The following RASA2 variants were observed in gnomAD, a reference collection of about 807,000 sequenced individuals.
RASA2 encodes RAS p21 protein activator 2.
In RASA2, 155 loss-of-function variants were observed where a neutral mutation model predicts 118.2. The observed-to-expected ratio is 1.31, with a 90% CI of 1.15 to 1.50. The LOEUF (loss-of-function observed/expected upper bound fraction) is 1.50, where lower values mean the gene tolerates loss of function less well. Among genes scored for constraint, RASA2 ranks in the 40% most tolerant of loss-of-function variants. RASA2 has a pLI of 0.00. For synonymous variants in RASA2, 353 were observed against 349.1 expected (o/e 1.01, Z -0.12); for missense variants, 1,016 against 1,009.6 (o/e 1.01, Z -0.09).
chr3:141,494,374 T>G (rs563139459), intron 1 of RASA2, among the ~76,000 whole-genome samples: 2 of 152,336 alleles, frequency 1.3e-5, no homozygotes, highest in East Asian at 1.9e-4. Flanking sequence ...AACATTTAAT[T>G]TGTAGTTTTA....
chr3:141,519,181 C>G (rs1434962055), intron 3 of RASA2, among the ~76,000 whole-genome samples: 2 of 152,072 alleles, frequency 1.3e-5, no homozygotes, highest in African/African-American at 4.8e-5. Context: ...GAGTATCATA[C>G]TAATATGGAC....
At chr3:141,518,481 TC>T (rs2082063599) in intron 3 of RASA2, among the ~76,000 whole-genome samples, 1 of 15,804 alleles carries the variant, frequency 6.3e-5, no homozygotes, top group African/African-American at 2.6e-4. Context: ...AGACACCATC[TC>T]AAAAAAAAAA....
chr3:141,544,886 CAG>C (rs1374781643), intron 5 of RASA2, among the ~76,000 whole-genome samples: 1 of 152,148 alleles, frequency 6.6e-6, no homozygotes, highest in African/African-American at 2.4e-5. Flanking sequence ...AACGCAGAAA[CAG>C]AAAATGAAAC....
At chr3:141,504,038 G>A (rs1414091890) in intron 1 of RASA2, among the ~76,000 whole-genome samples, 3 of 152,136 alleles carry the variant, frequency 2.0e-5, no homozygotes, top group East Asian at 1.9e-4. Context: ...ATATACACAC[G>A]CATTGATACT....
At chr3:141,502,365 T>C (rs1354505757) in intron 1 of RASA2, among the ~76,000 whole-genome samples, 6 of 152,178 alleles carry the variant, frequency 3.9e-5, no homozygotes, top group Non-Finnish European at 8.8e-5. Context: ...ACACAGAAAC[T>C]TTTAGCGACC....
At chr3:141,570,652 G>A (rs2082903478) in intron 9 of RASA2, among the ~76,000 whole-genome samples, 1 of 152,074 alleles carries the variant, frequency 6.6e-6, no homozygotes, top group Non-Finnish European at 1.5e-5. Flanking sequence ...TCAAACTCTT[G>A]TTCAACTCCT....
At chr3:141,584,710 A>G (rs1159274878) in intron 17 of RASA2, among the ~76,000 whole-genome samples, 1 of 152,152 alleles carries the variant, frequency 6.6e-6, no homozygotes, top group African/African-American at 2.4e-5. Context: ...TCTGCCACTT[A>G]GTCTTTGTTT....
chr3:141,586,922 GTATAT>G (rs1560052920), intron 19 of RASA2, 170 bp downstream of exon 19: 1 of 665,602 alleles, frequency 1.5e-6, no homozygotes, highest in Non-Finnish European at 2.7e-6. Context: ...GTAACCCCAT[GTATAT>G]TATGTTTTTC....
At chr3:141,606,275 TA>T (rs2083547697) in intron 19 of RASA2, among the ~76,000 whole-genome samples, 1 of 152,178 alleles carries the variant, frequency 6.6e-6, no homozygotes, top group South Asian at 2.1e-4. Context: ...CCCATAAATA[TA>T]ATCTCGTCTG....
At chr3:141,593,121 C>T (rs973829652) in intron 19 of RASA2, among the ~76,000 whole-genome samples, 2 of 152,150 alleles carry the variant, frequency 1.3e-5, no homozygotes, top group Non-Finnish European at 2.9e-5. Context: ...AATCTCAGCT[C>T]ACTGCAACCT....
chr3:141,555,765 C>T, intron 6 of RASA2, 75 bp from the exon 7 acceptor site: 1 of 1,279,056 alleles, frequency 7.8e-7, no homozygotes, highest in South Asian at 1.4e-5. Context: ...GTCAGGCTCC[C>T]TGGTTGGAAA....
chr3:141,522,116 A>G (rs141423960), intron 3 of RASA2, among the ~76,000 whole-genome samples: 2 of 152,166 alleles, frequency 1.3e-5, no homozygotes, highest in Admixed American at 1.3e-4. Flanking sequence ...TGAGTAATGT[A>G]TGGATTTTTT....
chr3:141,500,499 A>G (rs1022285784), intron 1 of RASA2, among the ~76,000 whole-genome samples: 1 of 152,242 alleles, frequency 6.6e-6, no homozygotes, highest in Non-Finnish European at 1.5e-5. Flanking sequence ...TCTACTAATC[A>G]CTTAACCTCT....
chr3:141,489,163 C>G (rs1434145965), intron 1 of RASA2, among the ~76,000 whole-genome samples: 1 of 152,126 alleles, frequency 6.6e-6, no homozygotes, highest in South Asian at 2.1e-4. Flanking sequence ...ATCTGTTATC[C>G]TAGTCAGTTT....
At chr3:141,542,982 A>G (rs763662449) in intron 5 of RASA2, among the ~76,000 whole-genome samples, 9 of 151,858 alleles carry the variant, frequency 5.9e-5, no homozygotes, top group African/African-American at 2.2e-4. Flanking sequence ...TAAAAAAATC[A>G]TTTTTGCCAA....
At chr3:141,581,685 C>T (rs913860652) in intron 17 of RASA2, among the ~76,000 whole-genome samples, 10 of 152,176 alleles carry the variant, frequency 6.6e-5, no homozygotes, top group South Asian at 6.2e-4. Flanking sequence ...GTAGAGTGGG[C>T]ACTTAATTGC....
intron 19 of RASA2, among the ~76,000 whole-genome samples, chr3:141,596,127 G>A (rs1413817842): frequency 6.6e-6 from 1 of 152,138 alleles, no homozygotes; most frequent in African/African-American, 2.4e-5. Context: ...CATATGCTGG[G>A]CCTGGAGTCT....
intron 7 of RASA2, among the ~76,000 whole-genome samples, chr3:141,558,556 T>G (rs2082682986): frequency 6.6e-6 from 1 of 152,038 alleles, no homozygotes; most frequent in Non-Finnish European, 1.5e-5. Flanking sequence ...GAGTGGGTGG[T>G]GAGGAAGTAC....
At chr3:141,572,554 T>C (rs2082940931) in intron 11 of RASA2, 55 bp from the exon 12 acceptor site, 1 of 1,241,444 alleles carries the variant, frequency 8.1e-7, no homozygotes, top group Non-Finnish European at 1.2e-6. Flanking sequence ...TATGTTATAT[T>C]ATTGGTTTCA....
Sources: allele counts gnomAD v4.1 joint callset (sites outside exome capture counted in the v4.1 genomes callset), GRCh38; gene constraint gnomAD v4.1.1; transcripts MANE v1.5; gene names NCBI Gene and HGNC (gene_info 2026-07-23, HGNC 2026-07-21).